Variants in KCNB2 observed in about 807,000 individuals in gnomAD.
KCNB2 encodes delayed rectifier potassium channel protein.
A neutral mutation model predicts 61.5 loss-of-function variants in KCNB2; 15 were observed. That is an observed-to-expected ratio of 0.24 (90% CI 0.16 to 0.38). KCNB2 has a LOEUF of 0.38. Ranked by LOEUF, KCNB2 falls within the 10% of genes least tolerant of loss-of-function variation. The pLI, the probability that KCNB2 is intolerant of heterozygous loss-of-function variation, is 1.00. For synonymous variants in KCNB2, 457 were observed against 446.0 expected, an observed-to-expected ratio of 1.02 and a Z score of -0.31; for missense variants, 828 against 1,125.2, an observed-to-expected ratio of 0.74 and a Z score of 3.78.
At chr8:72,540,608 C>G (rs914962314) in intron 1 of KCNB2, among the ~76,000 whole-genome samples, 18 of 151,998 alleles carry the variant, frequency 1.2e-4, no homozygotes, top group African/African-American at 3.6e-4. Context: ...ATTTTTTAGT[C>G]ACATTCTACA....
chr8:72,568,113 G>A lies in KCNB2; in HGVS notation c.379G>A (p.Gly127Arg). 1 of 1,614,100 alleles carries A rather than the reference G, an allele frequency of 6.2e-7. No individual in the cohort carries two copies. The highest frequency in any genetic ancestry group is 8.5e-7 in the Non-Finnish European group (1 of 1,180,028). The change falls in exon 2 of 3, where the codon GGG becomes AGG. Residue 127 changes from glycine (G) to arginine (R), a missense_variant. By Grantham distance (125) the Gly-to-Arg change is moderately radical. Transcript: ENST00000523207. ...GTTTGGCCAAGAACTTGATTACTGG[G>A]GGATTGATGAGATCTACTTGGAGTC... Reference protein sequence around the residue: ...LSFGQELDYWGIDEIYLESCC... With the variant: ...LSFGQELDYWRIDEIYLESCC...
At chr8:72,680,153 A>C (rs931903916) in intron 2 of KCNB2, among the ~76,000 whole-genome samples, 3 of 152,204 alleles carry the variant, frequency 2.0e-5, no homozygotes, top group African/African-American at 7.2e-5. Context: ...TTTCAACTCT[A>C]ATTCTTTTAC....
At chr8:72,906,612 G>A (rs1364882491) in intron 2 of KCNB2, among the ~76,000 whole-genome samples, 1 of 152,156 alleles carries the variant, frequency 6.6e-6, no homozygotes, top group African/African-American at 2.4e-5. Context: ...AATTAACGTG[G>A]TGGAGCCAAA....
At chr8:72,871,692 C>G (rs56273212) in intron 2 of KCNB2, among the ~76,000 whole-genome samples, 23,119 of 152,136 alleles carry the variant, frequency 0.15, 2,293 homozygotes, top group Non-Finnish European at 0.21. Context: ...CTTATTTCCT[C>G]CAAACTCTCC....
chr8:72,823,496 A>T (rs912892575), intron 2 of KCNB2, among the ~76,000 whole-genome samples: 20 of 152,152 alleles, frequency 1.3e-4, no homozygotes, highest in Non-Finnish European at 8.8e-5. Flanking sequence ...GAGTTCAGTC[A>T]AACTGGGATT....
chr8:72,563,676 G>A (rs1806580486), intron 1 of KCNB2, among the ~76,000 whole-genome samples: 1 of 151,892 alleles, frequency 6.6e-6, no homozygotes, highest in African/African-American at 2.4e-5. Context: ...GAGATAGAAG[G>A]GAAAATGGCA....
At chr8:72,771,527 T>TA (rs1440353611) in intron 2 of KCNB2, among the ~76,000 whole-genome samples, 1 of 152,158 alleles carries the variant, frequency 6.6e-6, no homozygotes, top group Non-Finnish European at 1.5e-5. Context: ...CTACTGTTTT[T>TA]ATATTAGGTT....
chr8:72,749,861 T>A lies in KCNB2; in HGVS notation c.579+181548T>A, dbSNP rs912701508. Among the ~76,000 whole-genome samples the A allele has an allele frequency of 2.0e-4, 30 of 146,872 alleles. 1 individual carries two copies. The highest frequency in any genetic ancestry group is 8.4e-4 in the South Asian group (4 of 4,734). On this transcript the variant is annotated intron_variant, in intron 2 of 2. Transcript: ENST00000523207. ...AATTTTGTATATATTATATATATTT[T>A]TATATATATATACATCCATGTTTTA...
intron 2 of KCNB2, among the ~76,000 whole-genome samples, chr8:72,736,423 A>C (rs1259333242): frequency 1.3e-5 from 2 of 152,118 alleles, no homozygotes; most frequent in Non-Finnish European, 2.9e-5. Flanking sequence ...TATTAGTAAA[A>C]TTCAACAAGA....
chr8:72,719,067 T>G (rs764022853), intron 2 of KCNB2, among the ~76,000 whole-genome samples: 39 of 146,524 alleles, frequency 2.7e-4, no homozygotes, highest in Non-Finnish European at 5.6e-4. Flanking sequence ...GGCAACAGTG[T>G]TTTTTTTTTG....
In KCNB2 at chr8:72,937,788, C is replaced by T. The variant is rs150484780; in HGVS notation, c.2433C>T (p.Asp811=). Residue 811 remains aspartate (D), a synonymous_variant, in exon 3 of 3, where the codon GAC becomes GAT. Coordinates refer to ENST00000523207, the MANE Select transcript of KCNB2 (RefSeq NM_004770.3). ...RRSFTEIDTG[D]DEDFLELPGA... ...GCTTCACTGAAATAGATACTGGTGA[C>T]GACGAAGACTTCTTAGAGCTCCCAG... 3.8e-5 allele frequency: 61 copies of T among 1,613,736 alleles called. No homozygotes were observed. Among genetic ancestry groups the T allele is most frequent in the East Asian group, 2.9e-4 (13 of 44,840 alleles).
chr8:72,578,726 T>C (rs562534828), intron 2 of KCNB2, among the ~76,000 whole-genome samples: 1 of 152,340 alleles, frequency 6.6e-6, no homozygotes, highest in Admixed American at 6.5e-5. Flanking sequence ...TTTAACAATA[T>C]ACCAAGTGTA....
chr8:72,859,630 C>G (rs1202896637), intron 2 of KCNB2, among the ~76,000 whole-genome samples: 1 of 147,900 alleles, frequency 6.8e-6, no homozygotes, highest in East Asian at 2.0e-4. Flanking sequence ...ATATGGTCCT[C>G]TTGGATTGGC....
chr8:72,568,169 A>G lies in KCNB2; in HGVS notation c.435A>G (p.Lys145=). 1.2e-6 allele frequency: 2 copies of G among 1,614,198 alleles called. No individual in the cohort carries two copies. Among genetic ancestry groups the G allele is most frequent in the Non-Finnish European group, 8.5e-7 (1 of 1,180,036 alleles). The change falls in exon 2 of 3, where the codon AAA becomes AAG. Residue 145 remains lysine, a synonymous_variant. Coordinates refer to ENST00000523207, the MANE Select transcript of KCNB2 (RefSeq NM_004770.3). ...SCCQARYHQK[K]EQMNEELRRE... ...GCCAGGCCAGATATCATCAAAAAAA[A>G]GAACAAATGAACGAAGAACTGAGGC...
intron 2 of KCNB2, among the ~76,000 whole-genome samples, chr8:72,774,045 A>G (rs1235053111): frequency 6.6e-6 from 1 of 152,200 alleles, no homozygotes; most frequent in African/African-American, 2.4e-5. Flanking sequence ...CTACTGGACC[A>G]AGGGCTTTTA....
chr8:72,785,941 T>TTG (rs1411337494), intron 2 of KCNB2, among the ~76,000 whole-genome samples: 1 of 151,964 alleles, frequency 6.6e-6, no homozygotes, highest in Non-Finnish European at 1.5e-5. Context: ...CATTTTTAAA[T>TTG]TCATAACTAT....
intron 2 of KCNB2, among the ~76,000 whole-genome samples, chr8:72,718,015 A>G (rs1034520977): frequency 5.9e-5 from 9 of 152,196 alleles, no homozygotes; most frequent in African/African-American, 1.9e-4. Context: ...ATATGAACAG[A>G]CACTTCTCAA....
chr8:72,628,220 C>T (rs180815240), intron 2 of KCNB2, among the ~76,000 whole-genome samples: 373 of 152,306 alleles, frequency 2.4e-3, no homozygotes, highest in Non-Finnish European at 3.8e-3. Flanking sequence ...ACCCAAAGTG[C>T]TGGGATTACA....
chr8:72,787,860 A>G (rs1808869194), intron 2 of KCNB2, among the ~76,000 whole-genome samples: 1 of 152,064 alleles, frequency 6.6e-6, no homozygotes. Flanking sequence ...TTTTTGCTTT[A>G]ATTACTACTA....
Sources: allele counts gnomAD v4.1 joint callset (sites outside exome capture counted in the v4.1 genomes callset), GRCh38; gene constraint gnomAD v4.1.1; transcripts MANE v1.5; gene names NCBI Gene and HGNC (gene_info 2026-07-23, HGNC 2026-07-21).